Variants in B3GALT1 observed in about 807,000 individuals in gnomAD.
B3GALT1 encodes the protein UDP-Gal:betaGlcNAc beta 1,3-galactosyltransferase, polypeptide 1.
B3GALT1 carries 10 observed loss-of-function variants against 23.2 expected under a neutral mutation model. The observed-to-expected ratio is 0.43, with a 90% CI of 0.27 to 0.73. The LOEUF (loss-of-function observed/expected upper bound fraction) is 0.73. Ranked by LOEUF, B3GALT1 falls within the 30% of genes least tolerant of loss-of-function variation. The pLI is 0.21. For synonymous variants in B3GALT1, 156 were observed against 141.5 expected, an observed-to-expected ratio of 1.10 and a Z score of -0.73; for missense variants, 299 against 405.4, an observed-to-expected ratio of 0.74 and a Z score of 2.25.
At chr2:167,302,968 A>T (rs927942973) in intron 1 of B3GALT1, among the ~76,000 whole-genome samples, 2 of 152,224 alleles carry the variant, frequency 1.3e-5, no homozygotes, top group African/African-American at 4.8e-5. Flanking sequence ...TAAAAGCATA[A>T]ATACGTTATC....
intron 1 of B3GALT1, among the ~76,000 whole-genome samples, chr2:167,437,231 G>C (rs75133669): frequency 0.11 from 16,505 of 152,190 alleles, 1,026 homozygotes; most frequent in African/African-American, 0.18. Context: ...GTTGTGGTCT[G>C]GGATGGGCTA....
intron 2 of B3GALT1, among the ~76,000 whole-genome samples, chr2:167,634,212 A>G (rs2105449846): frequency 6.6e-6 from 1 of 152,272 alleles, no homozygotes; most frequent in East Asian, 1.9e-4. Flanking sequence ...GTTTAGAGGG[A>G]AGTTTATATC....
chr2:167,385,830 G>A (rs1001140845), intron 1 of B3GALT1, among the ~76,000 whole-genome samples: 3 of 152,030 alleles, frequency 2.0e-5, no homozygotes, highest in Admixed American at 6.6e-5. Flanking sequence ...TTTGCAGCTC[G>A]GCCTCAGGTT....
chr2:167,387,012 C>CATCATATCATATCATATATCATATCAT lies in B3GALT1; in HGVS notation c.-511+93695_-511+93696insATCATATCATATCATATCATATCATAT, dbSNP rs564368031. On this transcript the variant is annotated intron_variant, in intron 1 of 4. Transcript: ENST00000392690. The stretch of plus-strand genomic sequence containing the variant: ...AGATTTCAATACTGGTAGGTAGTCT[C>CATCATATCATATCATATATCATATCAT]ATCATATCATATCATATCATTTCAT... Among the ~76,000 whole-genome samples, 1,328 of 151,224 alleles carry CATCATATCATATCATATATCATATCAT rather than the reference C, an allele frequency of 8.8e-3. 26 individuals are homozygous for CATCATATCATATCATATATCATATCAT. Among genetic ancestry groups the CATCATATCATATCATATATCATATCAT allele is most frequent in the African/African-American group, 0.031 (1,266 of 40,646 alleles).
chr2:167,845,920 A>G (rs1454797662), intron 4 of B3GALT1, among the ~76,000 whole-genome samples: 1 of 152,034 alleles, frequency 6.6e-6, no homozygotes, highest in Non-Finnish European at 1.5e-5. Context: ...AAAAACAAAA[A>G]TCAGGAAACA....
intron 2 of B3GALT1, among the ~76,000 whole-genome samples, chr2:167,574,277 A>G (rs1420310576): frequency 2.0e-5 from 3 of 151,710 alleles, no homozygotes; most frequent in African/African-American, 7.2e-5. Flanking sequence ...TAAAATCCAG[A>G]ACAAAAGTCT....
intron 1 of B3GALT1, among the ~76,000 whole-genome samples, chr2:167,458,605 C>T (rs1699208435): frequency 6.6e-6 from 1 of 152,210 alleles, no homozygotes; most frequent in Non-Finnish European, 1.5e-5. Flanking sequence ...TCCACTCCCT[C>T]ATAAACACTT....
At chr2:167,765,612 C>T (rs377427897) in intron 3 of B3GALT1, among the ~76,000 whole-genome samples, 3 of 152,090 alleles carry the variant, frequency 2.0e-5, no homozygotes, top group African/African-American at 4.8e-5. Flanking sequence ...TTTTCTTATT[C>T]GGCTGTAATT....
chr2:167,360,473 A>T (rs745774473), intron 1 of B3GALT1, among the ~76,000 whole-genome samples: 6 of 152,200 alleles, frequency 3.9e-5, no homozygotes, highest in Non-Finnish European at 7.3e-5. Context: ...TCTAAAATGT[A>T]GTCTGCAGAC....
chr2:167,364,163 C>CAAA (rs34314925), intron 1 of B3GALT1, among the ~76,000 whole-genome samples: 11 of 63,148 alleles, frequency 1.7e-4, no homozygotes, highest in African/African-American at 6.0e-4. Flanking sequence ...GACTCCATCT[C>CAAA]AAAAAAAAAA....
chr2:167,746,119 C>A lies in B3GALT1; in HGVS notation c.-351-72553C>A, dbSNP rs567346043. ...AAAGTCATTTCAAAGGTAAAGGAGACAAATTAATTCCTCTATTAGATAACT... is the reference window on the plus strand; with the variant it reads ...AAAGTCATTTCAAAGGTAAAGGAGAAAAATTAATTCCTCTATTAGATAACT... On this transcript the variant is annotated intron_variant, in intron 3 of 4. Transcript: ENST00000392690. Among the ~76,000 whole-genome samples, 5 of 152,230 alleles carry A rather than the reference C, an allele frequency of 3.3e-5. No homozygotes were observed. In the East Asian group the frequency reaches 9.7e-4, roughly 29 times the overall value.
intron 1 of B3GALT1, among the ~76,000 whole-genome samples, chr2:167,301,730 T>C (rs1342271362): frequency 6.6e-6 from 1 of 152,094 alleles, no homozygotes; most frequent in Non-Finnish European, 1.5e-5. Flanking sequence ...TTTTATTTTT[T>C]AGTAGAGATG....
intron 1 of B3GALT1, among the ~76,000 whole-genome samples, chr2:167,483,022 G>A (rs144769703): frequency 3.9e-4 from 59 of 152,144 alleles, no homozygotes; most frequent in African/African-American, 1.3e-3. Flanking sequence ...GGCCAGGCGG[G>A]GTGGCTCACT....
chr2:167,462,267 C>T (rs1699269487), intron 1 of B3GALT1, among the ~76,000 whole-genome samples: 1 of 152,200 alleles, frequency 6.6e-6, no homozygotes, highest in South Asian at 2.1e-4. Context: ...AGCTGTCTTA[C>T]AAGCTTCCTG....
intron 2 of B3GALT1, among the ~76,000 whole-genome samples, chr2:167,591,824 G>A (rs1458006473): frequency 6.6e-6 from 1 of 151,968 alleles, no homozygotes; most frequent in African/African-American, 2.4e-5. Context: ...TGTGTTGAGA[G>A]TAAATAGAGA....
At chr2:167,486,538 T>G (rs991303315) in intron 1 of B3GALT1, among the ~76,000 whole-genome samples, 1 of 150,922 alleles carries the variant, frequency 6.6e-6, no homozygotes, top group African/African-American at 2.4e-5. Flanking sequence ...GCCAACATGG[T>G]GAAACCACGT....
chr2:167,435,837 A>AT (rs1258339178), intron 1 of B3GALT1, among the ~76,000 whole-genome samples: 3 of 152,036 alleles, frequency 2.0e-5, no homozygotes, highest in Non-Finnish European at 2.9e-5. Flanking sequence ...TCAGTTTTAT[A>AT]AATGTCCCAT....
chr2:167,684,619 TCTC>T (rs1297583677), intron 3 of B3GALT1, among the ~76,000 whole-genome samples: 4 of 152,232 alleles, frequency 2.6e-5, no homozygotes, highest in Non-Finnish European at 4.4e-5. Context: ...CCTCATTTGT[TCTC>T]CTAGGATGTG....
chr2:167,354,933 T>C (rs1697378123), intron 1 of B3GALT1, among the ~76,000 whole-genome samples: 1 of 152,222 alleles, frequency 6.6e-6, no homozygotes, highest in African/African-American at 2.4e-5. Flanking sequence ...TTTGCCAGAA[T>C]GTGCTATGCA....
Sources: allele counts gnomAD v4.1 joint callset (sites outside exome capture counted in the v4.1 genomes callset), GRCh38; gene constraint gnomAD v4.1.1; transcripts MANE v1.5; gene names NCBI Gene and HGNC (gene_info 2026-07-23, HGNC 2026-07-21).